The following CACNA2D1 variants were observed in gnomAD, a reference collection of about 807,000 sequenced individuals.
CACNA2D1 encodes voltage-dependent calcium channel subunit alpha-2/delta-1.
Under a neutral mutation model 171.5 loss-of-function variants are expected in CACNA2D1, and 53 were observed. The observed-to-expected ratio is 0.31, with a 90% CI of 0.25 to 0.39. The LOEUF is 0.39. CACNA2D1 is among the 10% of genes least tolerant of loss of function. The pLI is 1.00. For synonymous variants in CACNA2D1, 442 were observed against 443.1 expected, an observed-to-expected ratio of 1.00 and a Z score of 0.03; for missense variants, 903 against 1,299.8, an observed-to-expected ratio of 0.69 and a Z score of 4.69.
At chr7:82,115,850 G>T (rs532466231) in intron 6 of CACNA2D1, among the ~76,000 whole-genome samples, 6 of 152,052 alleles carry the variant, frequency 3.9e-5, no homozygotes, top group African/African-American at 1.4e-4. Flanking sequence ...CACTTACTAT[G>T]AGCCTGGCAC....
At chr7:82,225,756 G>A (rs1292195253) in intron 3 of CACNA2D1, among the ~76,000 whole-genome samples, 1 of 152,120 alleles carries the variant, frequency 6.6e-6, no homozygotes, top group Non-Finnish European at 1.5e-5. Flanking sequence ...GCTGGTTTCA[G>A]TCATTTTTTG....
chr7:82,290,482 T>C (rs559695507), intron 3 of CACNA2D1, among the ~76,000 whole-genome samples: 1 of 151,846 alleles, frequency 6.6e-6, no homozygotes, highest in African/African-American at 2.4e-5. Flanking sequence ...TCATTTCCAA[T>C]TGCAAACAGT....
intron 3 of CACNA2D1, among the ~76,000 whole-genome samples, chr7:82,217,088 G>A (rs1040804589): frequency 1.3e-5 from 2 of 151,666 alleles, no homozygotes; most frequent in African/African-American, 4.8e-5. Flanking sequence ...CTCCATTAAC[G>A]ACAGAAGCTC....
At chr7:82,403,956 A>G (rs1357114135) in intron 1 of CACNA2D1, among the ~76,000 whole-genome samples, 2 of 152,242 alleles carry the variant, frequency 1.3e-5, no homozygotes, top group Admixed American at 1.3e-4. Flanking sequence ...AGGTAATGAC[A>G]AAGTAAATAT....
intron 31 of CACNA2D1, 25 bp downstream of exon 31, chr7:81,967,144 A>C (rs1338225656): frequency 1.3e-6 from 2 of 1,572,970 alleles, no homozygotes; most frequent in African/African-American, 2.7e-5. Flanking sequence ...TTGTACTCAA[A>C]AGTGATTTTA....
chr7:82,150,809 TA>T (rs557910932), intron 4 of CACNA2D1, among the ~76,000 whole-genome samples: 3 of 152,088 alleles, frequency 2.0e-5, no homozygotes, highest in African/African-American at 7.2e-5. Context: ...TGCTTCTTTG[TA>T]AAAAAATTTT....
At chr7:82,298,305 G>A (rs898533241) in intron 3 of CACNA2D1, among the ~76,000 whole-genome samples, 1 of 152,108 alleles carries the variant, frequency 6.6e-6, no homozygotes, top group Non-Finnish European at 1.5e-5. Flanking sequence ...AACTGTAACT[G>A]CCACTAAAAG....
chr7:81,972,666 C>T (rs1013992791), intron 25 of CACNA2D1, among the ~76,000 whole-genome samples: 1 of 151,892 alleles, frequency 6.6e-6, no homozygotes, highest in Non-Finnish European at 1.5e-5. Flanking sequence ...ACAAAAACCT[C>T]TGCCTTCTTC....
At chr7:82,280,661 C>G (rs989738863) in intron 3 of CACNA2D1, among the ~76,000 whole-genome samples, 1 of 152,008 alleles carries the variant, frequency 6.6e-6, no homozygotes, top group South Asian at 2.1e-4. Context: ...TACATAGAAA[C>G]CTTACTTATT....
chr7:82,398,839 A>G (rs1048861562), intron 1 of CACNA2D1, among the ~76,000 whole-genome samples: 1 of 151,766 alleles, frequency 6.6e-6, no homozygotes, highest in East Asian at 1.9e-4. Flanking sequence ...TCACCCTCCT[A>G]AAGTGCTAGG....
At chr7:82,125,435 G>C (rs1485423118) in intron 5 of CACNA2D1, among the ~76,000 whole-genome samples, 1 of 152,120 alleles carries the variant, frequency 6.6e-6, no homozygotes, top group East Asian at 1.9e-4. Flanking sequence ...ATGACTTATT[G>C]GGTCAGATGT....
chr7:82,406,970 C>G (rs954033111), intron 1 of CACNA2D1, among the ~76,000 whole-genome samples: 1 of 151,988 alleles, frequency 6.6e-6, no homozygotes, highest in African/African-American at 2.4e-5. Flanking sequence ...ATGATAGGTC[C>G]ACATATATAA....
intron 38 of CACNA2D1, among the ~76,000 whole-genome samples, chr7:81,958,091 A>G (rs1033040414): frequency 6.6e-6 from 1 of 151,364 alleles, no homozygotes; most frequent in Admixed American, 6.6e-5. Flanking sequence ...TGGACTTAAT[A>G]TATCTTAAAA....
intron 3 of CACNA2D1, among the ~76,000 whole-genome samples, chr7:82,207,711 A>T (rs1800152743): frequency 6.6e-6 from 1 of 152,180 alleles, no homozygotes; most frequent in African/African-American, 2.4e-5. Context: ...GCTGGTACTT[A>T]GTAGGAATTT....
intron 10 of CACNA2D1, among the ~76,000 whole-genome samples, chr7:82,048,628 C>A (rs13235412): frequency 0.041 from 6,180 of 152,044 alleles, 184 homozygotes; most frequent in Non-Finnish European, 0.065. Flanking sequence ...ATGCATTTTA[C>A]AAATAAGTTC....
At chr7:81,997,083 A>G in intron 19 of CACNA2D1, 96 bp downstream of exon 19, 1 of 796,158 alleles carries the variant, frequency 1.3e-6, no homozygotes. Flanking sequence ...CAAACAGACA[A>G]GCTAACACAT....
At chr7:82,148,522 T>C (rs1009940442) in intron 4 of CACNA2D1, among the ~76,000 whole-genome samples, 5 of 152,312 alleles carry the variant, frequency 3.3e-5, no homozygotes, top group Admixed American at 1.3e-4. Context: ...CATTTTCTAC[T>C]AGGAGTCTGG....
intron 38 of CACNA2D1, among the ~76,000 whole-genome samples, chr7:81,953,647 T>C (rs1277978634): frequency 6.6e-6 from 1 of 151,972 alleles, no homozygotes; most frequent in Non-Finnish European, 1.5e-5. Context: ...GAAGAGTAGG[T>C]ACTCAATAAA....
chr7:82,101,963 T>G (rs181055981), intron 6 of CACNA2D1, among the ~76,000 whole-genome samples: 28 of 152,276 alleles, frequency 1.8e-4, no homozygotes, highest in Middle Eastern at 6.8e-3. Flanking sequence ...TATTTCAGCA[T>G]ATAAGATTTA....
Sources: allele counts gnomAD v4.1 joint callset (sites outside exome capture counted in the v4.1 genomes callset), GRCh38; gene constraint gnomAD v4.1.1; transcripts MANE v1.5; gene names NCBI Gene and HGNC (gene_info 2026-07-23, HGNC 2026-07-21).